Variants in CCDC178 observed in about 807,000 individuals in gnomAD.
CCDC178 encodes the protein coiled-coil domain-containing protein 178.
In CCDC178, 126 loss-of-function variants were observed where a neutral mutation model predicts 117.4. That is an observed-to-expected ratio of 1.07 (90% CI 0.93 to 1.24). The LOEUF (loss-of-function observed/expected upper bound fraction) is 1.24. Among genes scored for constraint, CCDC178 ranks in the 50% most tolerant of loss-of-function variants. CCDC178 has a pLI of 0.00. For synonymous variants in CCDC178, 283 were observed against 313.4 expected (o/e 0.90, Z 1.02); for missense variants, 1,030 against 986.9 (o/e 1.04, Z -0.59).
chr18:32,948,749 T>C (rs1020584035), intron 22 of CCDC178, among the ~76,000 whole-genome samples: 3 of 152,112 alleles, frequency 2.0e-5, no homozygotes, highest in Non-Finnish European at 4.4e-5. Flanking sequence ...CAATATATTG[T>C]CATTTGTTGC....
At chr18:33,121,262 G>A (rs1475875947) in intron 20 of CCDC178, among the ~76,000 whole-genome samples, 1 of 152,158 alleles carries the variant, frequency 6.6e-6, no homozygotes, top group Non-Finnish European at 1.5e-5. Flanking sequence ...AAAGGGCAAA[G>A]AGACAGATAC....
intron 4 of CCDC178, among the ~76,000 whole-genome samples, chr18:33,393,418 G>A (rs2063588954): frequency 6.6e-6 from 1 of 151,966 alleles, no homozygotes; most frequent in African/African-American, 2.4e-5. Context: ...ATAATTTAAT[G>A]CATTTTGATA....
chr18:33,138,798 T>G (rs1049157169), intron 20 of CCDC178, among the ~76,000 whole-genome samples: 5 of 152,178 alleles, frequency 3.3e-5, no homozygotes, highest in African/African-American at 1.2e-4. Flanking sequence ...AAAGCCCTTC[T>G]TCCAATCATG....
chr18:33,346,245 C>T lies in CCDC178; in HGVS notation c.624G>A (p.Trp208Ter). 6.2e-7 allele frequency: 1 copy of T among 1,613,840 alleles called. No homozygotes were observed. The highest frequency in any genetic ancestry group is 1.7e-5 in the Admixed American group (1 of 59,966). The part of the protein sequence containing the change: ...INMKIDSWSV[W>*]KLQELPLAVQ... ...CAGCCAATGGGAGTTCTTGAAGTTT[C>T]CAGACTGACCAAGAGTCAATTTTCA... Residue 208 changes from tryptophan (W) to a stop codon, truncating the protein, a stop_gained, in exon 9 of 23, where the codon TGG becomes TGA. Coordinates refer to ENST00000383096, the MANE Select transcript of CCDC178 (RefSeq NM_001105528.4). LOFTEE classifies it high-confidence loss of function.
At chr18:33,165,205 A>C (rs959910361) in intron 20 of CCDC178, among the ~76,000 whole-genome samples, 1 of 152,122 alleles carries the variant, frequency 6.6e-6, no homozygotes, top group Non-Finnish European at 1.5e-5. Flanking sequence ...ACAAAAAAAA[A>C]CAGCTGAGTG....
intron 20 of CCDC178, among the ~76,000 whole-genome samples, chr18:33,187,386 T>C (rs2058809876): frequency 6.6e-6 from 1 of 152,046 alleles, no homozygotes; most frequent in Admixed American, 6.6e-5. Context: ...GATGCAACCC[T>C]TTCTCTCCTG....
In CCDC178 at chr18:33,356,427, TTC is replaced by T. The variant is rs535138156; in HGVS notation, c.349-83_349-82del. On this transcript the variant is annotated intron_variant, in intron 6 of 22. Transcript: ENST00000383096. ...AATAAATGTCACTTAAACTTGTCAATTCTCTACTTTACATATCTCTACTTCAT... is the reference window on the plus strand; with the variant it reads ...AATAAATGTCACTTAAACTTGTCAATTCTACTTTACATATCTCTACTTCAT... The T allele has an allele frequency of 4.8e-5, 61 of 1,272,032 alleles. No homozygotes were observed. The African/African-American group carries it at 6.3e-4, about 13-fold the overall frequency. The allele number at this position is 1,272,032 out of a possible 1,614,324, so 78.8% of individuals were successfully genotyped here.
At chr18:33,059,774 C>G (rs930126694) in intron 21 of CCDC178, among the ~76,000 whole-genome samples, 1 of 152,078 alleles carries the variant, frequency 6.6e-6, no homozygotes, top group Non-Finnish European at 1.5e-5. Flanking sequence ...GCAGGTCCAT[C>G]GATATATTTC....
intron 21 of CCDC178, among the ~76,000 whole-genome samples, chr18:33,071,948 G>C (rs1407507299): frequency 1.3e-5 from 2 of 151,984 alleles, no homozygotes. Context: ...ACACAAAAGA[G>C]ATGCCTGGAA....
chr18:33,092,027 C>A (rs2057474856), intron 21 of CCDC178, among the ~76,000 whole-genome samples: 1 of 151,856 alleles, frequency 6.6e-6, no homozygotes, highest in South Asian at 2.1e-4. Flanking sequence ...ATGGGTGATA[C>A]CAGTAGGAGA....
At chr18:33,235,762 A>C (rs879803052) in intron 15 of CCDC178, among the ~76,000 whole-genome samples, 1 of 152,174 alleles carries the variant, frequency 6.6e-6, no homozygotes, top group Non-Finnish European at 1.5e-5. Context: ...AAAGCTCTCA[A>C]AATTTTTGGT....
At chr18:33,380,556 C>G (rs1227037642) in intron 5 of CCDC178, among the ~76,000 whole-genome samples, 2 of 152,194 alleles carry the variant, frequency 1.3e-5, no homozygotes, top group Admixed American at 1.3e-4. Flanking sequence ...TGTGCTCCTT[C>G]AGCCTGGGTT....
At chr18:33,415,545 C>G (rs1172999633) in intron 2 of CCDC178, among the ~76,000 whole-genome samples, 2 of 138,984 alleles carry the variant, frequency 1.4e-5, no homozygotes, top group African/African-American at 5.5e-5. Flanking sequence ...ACATCAGGGC[C>G]TGTCGTGGGG....
intron 2 of CCDC178, among the ~76,000 whole-genome samples, chr18:33,434,565 A>C (rs568410933): frequency 1.4e-4 from 22 of 152,276 alleles, no homozygotes; most frequent in African/African-American, 4.8e-4. Flanking sequence ...GGAACTGTCT[A>C]GAGCCAGAGG....
At chr18:32,939,017 G>A (rs564658803) in intron 22 of CCDC178, among the ~76,000 whole-genome samples, 1 of 152,024 alleles carries the variant, frequency 6.6e-6, no homozygotes, top group South Asian at 2.1e-4. Flanking sequence ...CATCCCTTCA[G>A]TGCTATTTAT....
chr18:33,066,551 A>C (rs1472970407), intron 21 of CCDC178, among the ~76,000 whole-genome samples: 1 of 152,222 alleles, frequency 6.6e-6, no homozygotes, highest in Non-Finnish European at 1.5e-5. Context: ...AAAAGACATA[A>C]ACTGGCTAAA....
At chr18:33,046,986 T>C (rs1193789883) in intron 21 of CCDC178, among the ~76,000 whole-genome samples, 1 of 152,228 alleles carries the variant, frequency 6.6e-6, no homozygotes, top group African/African-American at 2.4e-5. Context: ...ACATTTATTA[T>C]GTATGGTAAA....
At chr18:33,353,188 A>G (rs2063000395) in intron 7 of CCDC178, among the ~76,000 whole-genome samples, 1 of 152,038 alleles carries the variant, frequency 6.6e-6, no homozygotes, top group Non-Finnish European at 1.5e-5. Flanking sequence ...GCTTTGATTT[A>G]AAGCCTATTT....
At chr18:33,351,328 G>A (rs1256300029) in intron 7 of CCDC178, among the ~76,000 whole-genome samples, 1 of 152,026 alleles carries the variant, frequency 6.6e-6, no homozygotes, top group Non-Finnish European at 1.5e-5. Context: ...AAGTAGCTAG[G>A]ATTACAGGCG....
Sources: allele counts gnomAD v4.1 joint callset (sites outside exome capture counted in the v4.1 genomes callset), GRCh38; gene constraint gnomAD v4.1.1; transcripts MANE v1.5; gene names NCBI Gene and HGNC (gene_info 2026-07-23, HGNC 2026-07-21).